The following CYFIP1 variants were observed in gnomAD, a reference collection of about 807,000 sequenced individuals.
The protein encoded by CYFIP1 is cytoplasmic FMR1 interacting protein 1.
CYFIP1 carries 58 observed loss-of-function variants against 163.5 expected under a neutral mutation model. The ratio of observed to expected loss-of-function variants is 0.35; its 90% CI spans 0.29 to 0.44. CYFIP1 has a LOEUF of 0.44. Among genes scored for constraint, CYFIP1 ranks in the 20% least tolerant of loss-of-function variants. The pLI is 1.00. For missense variants in CYFIP1, 1,338 were observed against 1,653.8 expected (o/e 0.81, Z 3.31); for synonymous variants, 663 against 660.7 (o/e 1.00, Z -0.05).
intron 8 of CYFIP1, 24 bp from the exon 9 acceptor site, chr15:22,937,232 T>A (rs368862934): frequency 2.0e-5 from 28 of 1,413,482 alleles, no homozygotes; most frequent in Non-Finnish European, 2.8e-5. Flanking sequence ...AAATGAATGA[T>A]GCGACAAAGC....
intron 10 of CYFIP1, among the ~76,000 whole-genome samples, chr15:22,933,171 A>G (rs1427815921): frequency 1.3e-5 from 2 of 151,530 alleles, no homozygotes; most frequent in Non-Finnish European, 2.9e-5. Flanking sequence ...TTAAACATAA[A>G]GACTATCACC....
At chr15:22,954,286 G>A (rs1802602376) in intron 1 of CYFIP1, among the ~76,000 whole-genome samples, 1 of 152,092 alleles carries the variant, frequency 6.6e-6, no homozygotes. Context: ...CCAGAACTGA[G>A]AGAAAGAAAT....
Position 22,912,245 on chromosome 15 carries a change from A to G in CYFIP1, c.2016T>C (p.Asn672=). 1 of 1,614,014 alleles carries G rather than the reference A, an allele frequency of 6.2e-7. No individual in the cohort carries two copies. Among genetic ancestry groups the G allele is most frequent in the Non-Finnish European group, 8.5e-7 (1 of 1,179,932 alleles). ...EYVLYSLDLY[N]DSAHYALTRF... is the part of the protein sequence containing the mutation. The stretch of plus-strand genomic sequence containing the variant: ...TGGTGAGCGCGTAGTGGGCGCTGTC[A>G]TTGTACAGGTCCAGGGAGTAGAGCA... Residue 672 remains asparagine (N), a synonymous_variant, in exon 18 of 31, where the codon AAT becomes AAC. Coordinates refer to ENST00000617928, the MANE Select transcript of CYFIP1 (RefSeq NM_014608.6).
intron 21 of CYFIP1, chr15:22,904,110 C>A: frequency 1.6e-6 from 1 of 608,440 alleles, no homozygotes; most frequent in Non-Finnish European, 2.9e-6. Context: ...TCATGCCTTT[C>A]TCCACTGCAG....
rs35408380 is a variant in CYFIP1, at chr15:22,929,631, CAAAAAAAAAAA to C, written c.1111-1614_1111-1604del. On this transcript the variant is annotated intron_variant, in intron 11 of 30. Transcript: ENST00000617928. The stretch of plus-strand genomic sequence containing the variant: ...TGGGCAACAGAGAGAGACTCTGTCT[CAAAAAAAAAAA>C]AAAAAAAAAAAGGCCAGGCACGGTG... Among the ~76,000 whole-genome samples, 18 of 42,266 alleles carry C rather than the reference CAAAAAAAAAAA, an allele frequency of 4.3e-4. 1 individual carries two copies. Among genetic ancestry groups the C allele is most frequent in the African/African-American group, 1.9e-3 (17 of 8,940 alleles). The allele number at this position is 42,266 out of a possible 152,430, so 27.7% of individuals were successfully genotyped here.
At chr15:22,943,120 C>T in intron 6 of CYFIP1, 53 bp downstream of exon 6, 1 of 1,565,400 alleles carries the variant, frequency 6.4e-7, no homozygotes, top group Non-Finnish European at 8.7e-7. Flanking sequence ...CAAGGCAGGC[C>T]ACTGAGCTGG....
intron 21 of CYFIP1, 21 bp downstream of exon 21, chr15:22,909,173 G>C (rs774496218): frequency 2.5e-6 from 4 of 1,613,146 alleles, no homozygotes; most frequent in South Asian, 2.2e-5. Flanking sequence ...TTTATCAATA[G>C]GGCAAAGTGA....
In CYFIP1 at chr15:22,969,846, G is replaced by T. The variant is rs375039834; in HGVS notation, c.-7+10441C>A. Among the ~76,000 whole-genome samples the T allele has an allele frequency of 1.2e-4, 18 of 152,248 alleles. 2 individuals are homozygous for T. The East Asian group carries it at 1.4e-3, about 11-fold the overall frequency. On this transcript the variant is annotated intron_variant, in intron 1 of 30. Transcript: ENST00000617928. The stretch of plus-strand genomic sequence containing the variant: ...CCATGCAAAGAGTAACCAAAAGAGA[G>T]GGAAGTGGCAATACTAACATTAGAC...
chr15:22,951,309 C>G (rs1198065421), intron 1 of CYFIP1: 2 of 1,138,604 alleles, frequency 1.8e-6, no homozygotes, highest in African/African-American at 3.3e-5. Context: ...AGCAGAAACT[C>G]TCGTCCACTT....
At position 22,868,442 on chromosome 15, in the gene CYFIP1, A is replaced by C. The variant is rs2059302342; in HGVS notation, c.*1586T>G. On this transcript the variant is annotated 3_prime_UTR_variant, in exon 31 of 31. Transcript: ENST00000617928. ...GGTATTACATATTTGGTATATAATT[A>C]AGCCTTATAAAACTTGGTAATTGAT... 1 of 151,998 alleles carries C rather than the reference A, an allele frequency of 6.6e-6. No individual in the cohort carries two copies. 9.4% of individuals were successfully genotyped at this position (151,998 alleles called of 1,614,324 possible).
intron 21 of CYFIP1, among the ~76,000 whole-genome samples, chr15:22,906,639 G>T (rs942685966): frequency 6.6e-6 from 1 of 151,314 alleles, no homozygotes; most frequent in African/African-American, 2.4e-5. Context: ...CTAATTTTTT[G>T]TATTTTTAGT....
chr15:22,945,114 A>G (rs763511454), intron 3 of CYFIP1, among the ~76,000 whole-genome samples, 175 bp from the exon 4 acceptor site: 4 of 152,106 alleles, frequency 2.6e-5, no homozygotes, highest in Non-Finnish European at 5.9e-5. Flanking sequence ...GGGGGCCACA[A>G]TGACCACCCA....
chr15:22,979,375 G>C (rs1373366015), intron 1 of CYFIP1, among the ~76,000 whole-genome samples: 1 of 151,916 alleles, frequency 6.6e-6, no homozygotes, highest in Non-Finnish European at 1.5e-5. Flanking sequence ...CTCCGACCAC[G>C]CCTCATTCCG....
chr15:22,896,921 T>G (rs925621343), intron 22 of CYFIP1, among the ~76,000 whole-genome samples: 1 of 151,842 alleles, frequency 6.6e-6, no homozygotes, highest in Non-Finnish European at 1.5e-5. Context: ...TTTTAAAGAG[T>G]GTTGGCCGGG....
intron 13 of CYFIP1, among the ~76,000 whole-genome samples, chr15:22,920,469 C>T (rs1274592225): frequency 6.6e-6 from 1 of 152,130 alleles, no homozygotes; most frequent in African/African-American, 2.4e-5. Flanking sequence ...CTCATTATGG[C>T]TTTATAAACA....
intron 6 of CYFIP1, among the ~76,000 whole-genome samples, chr15:22,942,668 G>A (rs1595669215): frequency 6.6e-6 from 1 of 152,306 alleles, no homozygotes; most frequent in East Asian, 1.9e-4. Flanking sequence ...GGATCTGGAA[G>A]CGCAGTGTGA....
In CYFIP1 at chr15:22,909,230, A is replaced by G. The variant is rs2060698121; in HGVS notation, c.2352T>C (p.Ile784=). 2 of 1,614,086 alleles carry G rather than the reference A, an allele frequency of 1.2e-6. No individual in the cohort carries two copies. The highest frequency in any genetic ancestry group is 1.3e-5 in the African/African-American group (1 of 74,928). Residue 784 remains isoleucine, a synonymous_variant, in exon 21 of 31, where the codon ATT becomes ATC. Coordinates refer to ENST00000617928, the MANE Select transcript of CYFIP1 (RefSeq NM_014608.6). The part of the protein sequence containing the change: ...AAMYKSLELA[I]GRFESEDLTS... ...TCAAATCTTCACTTTCAAATCGTCC[A>G]ATCGCCAGTTCTAGGGACTTATACA...
intron 22 of CYFIP1, among the ~76,000 whole-genome samples, chr15:22,902,866 G>T (rs1462183338): frequency 1.3e-5 from 2 of 152,194 alleles, no homozygotes; most frequent in African/African-American, 4.8e-5. Flanking sequence ...TGGGCCGTGG[G>T]GCAGCTGCGC....
In CYFIP1 at chr15:22,976,408, G is replaced by A. The variant is rs1032720589; in HGVS notation, c.-7+3879C>T. On this transcript the variant is annotated intron_variant, in intron 1 of 30. Transcript: ENST00000617928. ...CCTGCCCTTGTGATCCGCCCGCCTC[G>A]GCCTCCCAAAGTGCTGGGATTACAG... Among the ~76,000 whole-genome samples the A allele has an allele frequency of 7.9e-5, 12 of 152,150 alleles. 1 individual carries two copies. The highest frequency in any genetic ancestry group is 5.8e-4 in the East Asian group (3 of 5,168).
Sources: gnomAD v4.1 joint callset for allele counts (sites outside exome capture counted in the v4.1 genomes callset) on GRCh38, gnomAD v4.1.1 for gene constraint, MANE v1.5 for transcripts, NCBI Gene and HGNC (gene_info 2026-07-23, HGNC 2026-07-21) for gene names.